The following RUVBL2 variants were observed in gnomAD, a reference collection of about 807,000 sequenced individuals.
The protein encoded by RUVBL2 is RuvB like AAA ATPase 2, also known as ruvB-like 2.
A neutral mutation model predicts 57.9 loss-of-function variants in RUVBL2; 9 were observed. The observed-to-expected ratio is 0.16, with a 90% CI of 0.09 to 0.27. The LOEUF (loss-of-function observed/expected upper bound fraction) is 0.27, where lower values mean the gene tolerates loss of function less well. Ranked by LOEUF, RUVBL2 falls within the 10% of genes least tolerant of loss-of-function variation. The pLI is 1.00. For missense variants in RUVBL2, 456 were observed against 669.6 expected (o/e 0.68, Z 3.52); for synonymous variants, 278 against 264.6 (o/e 1.05, Z -0.49).
In RUVBL2 at chr19:49,015,899, C is replaced by A; in HGVS notation, c.*57C>A. The A allele has an allele frequency of 6.2e-7, 1 of 1,614,008 alleles. No individual in the cohort carries two copies. On this transcript the variant is annotated 3_prime_UTR_variant, in exon 15 of 15. Transcript: ENST00000595090. ...TTCCACCAGAGTTCTGACACTGTGA[C>A]TCTGTATAAAATGGTTGGGAAGCTG...
chr19:49,003,165 T>TACCAAAAC, intron 2 of RUVBL2, 114 bp from the exon 3 acceptor site: 1 of 708,040 alleles, frequency 1.4e-6, no homozygotes, highest in Non-Finnish European at 2.5e-6. Flanking sequence ...CAACCCCTGC[T>TACCAAAAC]CCCTACTCCC....
chr19:49,015,078 C>A lies in RUVBL2; in HGVS notation c.1179C>A (p.Ile393=). Residue 393 remains isoleucine, a synonymous_variant, in exon 13 of 15, where the codon ATC becomes ATA. Transcript: ENST00000595090. ...ACGCCTACACGGTGCTGACCCGCAT[C>A]GGGCTGGAGACGTCACTGCGCTACG... is the stretch of plus-strand genomic sequence containing the variant. ...SEDAYTVLTR[I]GLETSLRYAI... is the part of the protein sequence containing the mutation. The A allele has an allele frequency of 6.2e-7, 1 of 1,609,534 alleles. No homozygotes were observed. The highest frequency in any genetic ancestry group is 8.5e-7 in the Non-Finnish European group (1 of 1,178,022).
chr19:49,008,847 T>G (rs1372468905), intron 6 of RUVBL2, among the ~76,000 whole-genome samples: 1 of 151,582 alleles, frequency 6.6e-6, no homozygotes, highest in Non-Finnish European at 1.5e-5. Context: ...GGCGTGGTGG[T>G]GGGTGCTTGT....
In RUVBL2 at chr19:49,011,102, C is replaced by T. The variant is rs200368891; in HGVS notation, c.882+9C>T. The T allele has an allele frequency of 6.8e-6, 11 of 1,612,158 alleles. No homozygotes were observed. In the Admixed American group the frequency reaches 1.3e-4, roughly 20 times the overall value. On this transcript the variant is annotated intron_variant, in intron 10 of 14. Transcript: ENST00000595090. This position sits in a 1 kb window ranked among gnomAD's most constrained non-coding sequence, Gnocchi z 4.4. ...CGGAGATCATCCCTGGAGTGAGGAC[C>T]CAGGACATGGCCGGGGCGGGTGGTG...
chr19:49,010,866 C>G, intron 9 of RUVBL2, 133 bp from the exon 10 acceptor site: 1 of 904,266 alleles, frequency 1.1e-6, no homozygotes, highest in Non-Finnish European at 1.7e-6. Context: ...GGGGATGTTT[C>G]AGGCTCCTCA....
At chr19:49,012,610 A>G (rs1022851299) in intron 11 of RUVBL2, among the ~76,000 whole-genome samples, 4 of 152,252 alleles carry the variant, frequency 2.6e-5, no homozygotes, top group Non-Finnish European at 5.9e-5. Context: ...CCAAATAAAT[A>G]TCTGCCCTGC....
At chr19:49,010,771 C>G (rs1289838832) in intron 9 of RUVBL2, among the ~76,000 whole-genome samples, 160 bp downstream of exon 9, 1 of 152,276 alleles carries the variant, frequency 6.6e-6, no homozygotes, top group Middle Eastern at 3.4e-3. Context: ...TGCAAGTCCG[C>G]TCCGTCCCCA....
In RUVBL2 at chr19:49,009,160, CAAAAAAAAAAAAAAAA is replaced by C. The variant is rs61402282; in HGVS notation, c.463-595_463-580del. Among the ~76,000 whole-genome samples, 212 of 21,424 alleles carry C rather than the reference CAAAAAAAAAAAAAAAA, an allele frequency of 9.9e-3. 3 individuals are homozygous for C. The highest frequency in any genetic ancestry group is 0.014 in the Non-Finnish European group (189 of 13,180). 14.1% of individuals were successfully genotyped at this position (21,424 alleles called of 152,430 possible). ...TGGGCGACAGAGCAAGACTCTATCT[CAAAAAAAAAAAAAAAA>C]AAAAAAAAAAAAAAAAAAAAGAGCT... is the stretch of plus-strand genomic sequence containing the variant. On this transcript the variant is annotated intron_variant, in intron 6 of 14. Coordinates refer to ENST00000595090, the MANE Select transcript of RUVBL2 (RefSeq NM_006666.3).
At chr19:49,010,641 G>A (rs2039399988) in intron 9 of RUVBL2, 30 bp downstream of exon 9, 2 of 1,611,532 alleles carry the variant, frequency 1.2e-6, no homozygotes, top group African/African-American at 2.7e-5. Flanking sequence ...GCCCTGCCCT[G>A]CCCTGCCCCA....
chr19:49,001,507 A>G (rs2039181872), intron 2 of RUVBL2: 1 of 151,510 alleles, frequency 6.6e-6, no homozygotes, highest in Non-Finnish European at 1.5e-5. Flanking sequence ...ATGAAGAGCC[A>G]AGCACCGCTT....
chr19:49,006,996 A>G, intron 4 of RUVBL2, 22 bp from the exon 5 acceptor site: 1 of 1,611,640 alleles, frequency 6.2e-7, no homozygotes, highest in Non-Finnish European at 8.5e-7. Flanking sequence ...GGCTTCACCT[A>G]CACAGACTGC....
Position 49,015,648 on chromosome 19 carries a change from T to C in RUVBL2, c.1328T>C (p.Met443Thr). The C allele has an allele frequency of 6.2e-7, 1 of 1,614,074 alleles. No individual in the cohort carries two copies. Among genetic ancestry groups the C allele is most frequent in the Non-Finnish European group, 8.5e-7 (1 of 1,180,004 alleles). ...FLDESRSTQY[M>T]KEYQDAFLFN... ...GACGAGTCCCGCTCCACGCAGTACATGAAGGAGTACCAGGACGCCTTCCTC... is the reference window on the plus strand; with the variant it reads ...GACGAGTCCCGCTCCACGCAGTACACGAAGGAGTACCAGGACGCCTTCCTC... The change falls in exon 14 of 15, where the codon ATG becomes ACG. Residue 443 changes from methionine (M) to threonine (T), a missense_variant. Physicochemically the swap from Met to Thr is moderately conservative, Grantham distance 81 (BLOSUM62 -1). This residue lies in a region of RUVBL2 where 67 missense variants were observed against 71.5 expected (regional missense o/e 0.94). Coordinates refer to ENST00000595090, the MANE Select transcript of RUVBL2 (RefSeq NM_006666.3).
In RUVBL2 at chr19:49,010,992, C is replaced by A; in HGVS notation, c.788-7C>A. 1 of 1,609,992 alleles carries A rather than the reference C, an allele frequency of 6.2e-7. No homozygotes were observed. Among genetic ancestry groups the A allele is most frequent in the South Asian group, 1.1e-5 (1 of 89,636 alleles). On this transcript the variant is annotated splice_polypyrimidine_tract_variant and splice_region_variant and intron_variant, in intron 9 of 14. Coordinates refer to ENST00000595090, the MANE Select transcript of RUVBL2 (RefSeq NM_006666.3). Reference sequence around the variant, plus strand: ...GGCTTCCCTGATGCAACCTGTGCCTCCCATAGGTGACACAGGGGAGATCAA... The same window carrying A: ...GGCTTCCCTGATGCAACCTGTGCCTACCATAGGTGACACAGGGGAGATCAA...
Position 49,004,186 on chromosome 19 carries a change from T to C in RUVBL2, c.124-91T>C, listed in dbSNP as rs568859552. 3,825 of 1,518,768 alleles carry C rather than the reference T, an allele frequency of 2.5e-3. 7 individuals are homozygous for C. The highest frequency in any genetic ancestry group is 3.1e-3 in the Non-Finnish European group (3,525 of 1,123,048). 94.1% of individuals were successfully genotyped at this position (1,518,768 alleles called of 1,614,324 possible). ...TTTTCCTAGAAGTCCCAGCTAGTAA[T>C]GTCTGCTTCCATCTCACTAGCTTCC... is the stretch of plus-strand genomic sequence containing the variant. On this transcript the variant is annotated intron_variant, in intron 3 of 14. Transcript: ENST00000595090.
chr19:49,007,063 C>A lies in RUVBL2; in HGVS notation c.311C>A (p.Ala104Asp). 1 of 1,613,186 alleles carries A rather than the reference C, an allele frequency of 6.2e-7. No homozygotes were observed. Among genetic ancestry groups the A allele is most frequent in the Non-Finnish European group, 8.5e-7 (1 of 1,180,032 alleles). Residue 104 changes from alanine (A) to aspartate (D), a missense_variant, in exon 5 of 15, where the codon GCC (alanine) becomes GAC (aspartate). By Grantham distance (126) the Ala-to-Asp change is moderately radical. Coordinates refer to ENST00000595090, the MANE Select transcript of RUVBL2 (RefSeq NM_006666.3). ...CCTGACACGCCATTCACAGCCATCG[C>A]CGGCAGTGAAATCTTCTCCCTGGAG... ...LGPDTPFTAI[A>D]GSEIFSLEMS...
chr19:49,000,880 G>T (rs142144598), intron 2 of RUVBL2, among the ~76,000 whole-genome samples: 2 of 151,672 alleles, frequency 1.3e-5, no homozygotes, highest in Admixed American at 6.6e-5. Flanking sequence ...AAGTATGGCC[G>T]GGCATGATGG....
At position 49,009,648 on chromosome 19, in the gene RUVBL2, T is replaced by C. The variant is rs955273192; in HGVS notation, c.463-128T>C. ...ATGTCTTCCCTGGAGAGCTTCCTTG[T>C]GTTGTGCCCATTTTGAAGCTGTGGA... On this transcript the variant is annotated intron_variant, in intron 6 of 14. Coordinates refer to ENST00000595090, the MANE Select transcript of RUVBL2 (RefSeq NM_006666.3). 13 of 784,028 alleles carry C rather than the reference T, an allele frequency of 1.7e-5. No individual in the cohort carries two copies. The African/African-American group carries it at 1.9e-4, about 11-fold the overall frequency. The allele number at this position is 784,028 out of a possible 1,614,324, so 48.6% of individuals were successfully genotyped here. A position where few individuals can be genotyped will look rare whatever the true frequency, so the allele number is the denominator to read the frequency against.
At chr19:49,009,625 G>A (rs1297884826) in intron 6 of RUVBL2, 151 bp from the exon 7 acceptor site, 1 of 686,334 alleles carries the variant, frequency 1.5e-6, no homozygotes, top group East Asian at 2.6e-5. Flanking sequence ...CGCACCGTAT[G>A]TCTTCCCTGG....
Position 49,015,877 on chromosome 19 carries a change from C to T in RUVBL2, c.*35C>T, listed in dbSNP as rs2039540824. 6.2e-7 allele frequency: 1 copy of T among 1,614,136 alleles called. No homozygotes were observed. Among genetic ancestry groups the T allele is most frequent in the Non-Finnish European group, 8.5e-7 (1 of 1,179,984 alleles). On this transcript the variant is annotated 3_prime_UTR_variant, in exon 15 of 15. Coordinates refer to ENST00000595090, the MANE Select transcript of RUVBL2 (RefSeq NM_006666.3). Reference sequence around the variant, plus strand: ...CATCCCCCGACCCCACCCTGTTTTCCACCAGAGTTCTGACACTGTGACTCT... The same window carrying T: ...CATCCCCCGACCCCACCCTGTTTTCTACCAGAGTTCTGACACTGTGACTCT...
Sources: gnomAD v4.1 joint callset for allele counts (sites outside exome capture counted in the v4.1 genomes callset) on GRCh38, gnomAD v4.1.1 for gene constraint, gnomAD v4.1.1 regional missense constraint, Gnocchi (gnomAD v3.1) non-coding constraint, MANE v1.5 for transcripts, NCBI Gene and HGNC (gene_info 2026-07-23, HGNC 2026-07-21) for gene names.